HIVEP1: variants seen among roughly 807,000 people sequenced by gnomAD.
The protein encoded by HIVEP1 is zinc finger protein 40.
A neutral mutation model predicts 180.0 loss-of-function variants in HIVEP1; 36 were observed. That is an observed-to-expected ratio of 0.20 (90% CI 0.15 to 0.26). The LOEUF (loss-of-function observed/expected upper bound fraction) is 0.26. HIVEP1 is among the 10% of genes least tolerant of loss of function. The probability of loss-of-function intolerance (pLI) is 1.00; values close to 1 mark genes in which losing one functional copy is unlikely to be tolerated. For missense variants in HIVEP1, 3,143 were observed against 3,268.7 expected, an observed-to-expected ratio of 0.96 and a Z score of 0.94; for synonymous variants, 1,239 against 1,239.0, an observed-to-expected ratio of 1.00 and a Z score of 0.00.
upstream of HIVEP1, among the ~76,000 whole-genome samples, chr6:12,009,402 G>C (rs1442131049): frequency 2.0e-5 from 3 of 152,210 alleles, no homozygotes; most frequent in South Asian, 4.1e-4. Context: ...TCCCCAAGGG[G>C]GGCTCCAGAA....
upstream of HIVEP1, chr6:12,008,633 T>G (rs539374260): frequency 6.6e-6 from 1 of 151,870 alleles, no homozygotes; most frequent in African/African-American, 2.4e-5. Flanking sequence ...GATCTGTCTA[T>G]CTTCTCGGCG....
intron 7 of HIVEP1, among the ~76,000 whole-genome samples, chr6:12,136,736 G>GT (rs34874202): frequency 3.8e-4 from 58 of 151,586 alleles, no homozygotes; most frequent in Admixed American, 9.9e-4. Context: ...TTAAATGGCT[G>GT]TTTTTTTTTA....
At chr6:12,117,240 A>G (rs1361597097) in intron 3 of HIVEP1, among the ~76,000 whole-genome samples, 5 of 152,222 alleles carry the variant, frequency 3.3e-5, no homozygotes, top group Non-Finnish European at 7.4e-5. Flanking sequence ...TTTGAAGGGA[A>G]TAGCACCAGT....
At chr6:12,162,699 A>G (rs1760484645) in intron 8 of HIVEP1, among the ~76,000 whole-genome samples, 1 of 152,220 alleles carries the variant, frequency 6.6e-6, no homozygotes, top group Admixed American at 6.5e-5. Context: ...AAGCGTCTCT[A>G]TCCCAAAACC....
the HIVEP1 span, among the ~76,000 whole-genome samples, chr6:12,175,937 G>A: frequency 6.6e-6 from 1 of 152,078 alleles, no homozygotes; most frequent in African/African-American, 2.4e-5. Context: ...AGTGATCTTT[G>A]CATATGATTG....
At chr6:12,112,670 C>T (rs1447203518) in intron 3 of HIVEP1, among the ~76,000 whole-genome samples, 3 of 152,060 alleles carry the variant, frequency 2.0e-5, no homozygotes, top group Non-Finnish European at 4.4e-5. Flanking sequence ...CTGGGGGAGT[C>T]CCTGCCCACC....
intron 2 of HIVEP1, among the ~76,000 whole-genome samples, chr6:12,055,874 A>G (rs1299258548): frequency 6.6e-6 from 1 of 152,266 alleles, no homozygotes; most frequent in African/African-American, 2.4e-5. Context: ...CTATTAAGCT[A>G]GTGCTGTTAT....
chr6:12,211,213 C>T, the HIVEP1 span, among the ~76,000 whole-genome samples: 1 of 126,800 alleles, frequency 7.9e-6, no homozygotes. Context: ...TCCTGGCTAA[C>T]ACGGTGAAAC....
intron 2 of HIVEP1, among the ~76,000 whole-genome samples, chr6:12,020,933 C>T (rs921835783): frequency 7.2e-6 from 1 of 138,478 alleles, no homozygotes. Flanking sequence ...CTCTGTCACC[C>T]AGGCTGGAGT....
At chr6:12,054,486 T>C (rs1770735707) in intron 2 of HIVEP1, among the ~76,000 whole-genome samples, 2 of 112,074 alleles carry the variant, frequency 1.8e-5, no homozygotes. Flanking sequence ...TACACACATA[T>C]ACATATGAAT....
rs1215359402 is a variant in HIVEP1 at position 12,164,130 on chromosome 6, A to C, written c.7826A>C (p.Glu2609Ala). ...CAGGGGTTACCTACAGTCCAGCGGG[A>C]AAATGCAAAAAAAGTTCTGAATCCA... ...SPQGLPTVQR[E>A]NAKKVLNPPA... Residue 2609 changes from glutamate (E) to alanine (A), a missense_variant, in exon 9 of 9, where the codon GAA becomes GCA. Coordinates refer to ENST00000379388, the MANE Select transcript of HIVEP1 (RefSeq NM_002114.4). 5.0e-6 allele frequency: 8 copies of C among 1,614,168 alleles called. No individual in the cohort carries two copies. The highest frequency in any genetic ancestry group is 6.8e-6 in the Non-Finnish European group (8 of 1,180,026).
rs1760637101 is a variant in HIVEP1 at position 12,164,601 on chromosome 6, G to A, written c.*140G>A. On this transcript the variant is annotated 3_prime_UTR_variant, in exon 9 of 9. Transcript: ENST00000379388. Reference sequence around the variant, plus strand: ...AATCATGAACTTTTGACCAATAATTGTTGTTTTGTGTCAGCTCCAGCCATT... The same window carrying A: ...AATCATGAACTTTTGACCAATAATTATTGTTTTGTGTCAGCTCCAGCCATT... The A allele has an allele frequency of 4.3e-6, 3 of 697,282 alleles. No individual in the cohort carries two copies. The highest frequency in any genetic ancestry group is 6.9e-6 in the Non-Finnish European group (3 of 435,352). The allele number at this position is 697,282 out of a possible 1,614,324, so 43.2% of individuals were successfully genotyped here. A position where few individuals can be genotyped will look rare whatever the true frequency, so the allele number is the denominator to read the frequency against.
intron 7 of HIVEP1, among the ~76,000 whole-genome samples, chr6:12,148,277 C>T (rs568986328): frequency 6.6e-6 from 1 of 152,248 alleles, no homozygotes; most frequent in Non-Finnish European, 1.5e-5. Context: ...GTGCCTGGTT[C>T]CCCCCTGCAT....
In HIVEP1 at chr6:12,122,613, C is replaced by G. The variant is rs1484494224; in HGVS notation, c.2818C>G (p.Leu940Val). Residue 940 changes from leucine to valine, a missense_variant, in exon 4 of 9, where the codon CTG (leucine) becomes GTG (valine). This residue lies in a region of HIVEP1 where 204 missense variants were observed against 243.7 expected (regional missense o/e 0.84). Transcript: ENST00000379388. The stretch of plus-strand genomic sequence containing the variant: ...AGCCATGTCAGTGAGGAGCAAGGCA[C>G]TGGCACAAGGCCCACATATAGAAAA... Reference protein sequence around the residue: ...GEAMSVRSKALAQGPHIEKKK... With the variant: ...GEAMSVRSKAVAQGPHIEKKK... The G allele has an allele frequency of 1.9e-6, 3 of 1,614,134 alleles. 1 individual carries two copies. In the South Asian group the frequency reaches 3.3e-5, roughly 18 times the overall value.
intron 2 of HIVEP1, among the ~76,000 whole-genome samples, chr6:12,052,312 A>C (rs558225658): frequency 6.6e-6 from 1 of 152,260 alleles, no homozygotes; most frequent in Non-Finnish European, 1.5e-5. Context: ...AGGGCCACCT[A>C]GAGATAGCTT....
intron 2 of HIVEP1, among the ~76,000 whole-genome samples, chr6:12,076,316 G>T (rs1772346292): frequency 1.3e-5 from 2 of 152,078 alleles, no homozygotes; most frequent in African/African-American, 4.8e-5. Context: ...TTGAAGTAGG[G>T]TATACTTTTT....
chr6:12,104,900 T>G (rs1436452032), intron 3 of HIVEP1, among the ~76,000 whole-genome samples: 1 of 152,236 alleles, frequency 6.6e-6, no homozygotes, highest in Non-Finnish European at 1.5e-5. Context: ...GTAAGCACAT[T>G]TATTTTAAAG....
At chr6:12,022,638 A>C (rs1033601393) in intron 2 of HIVEP1, among the ~76,000 whole-genome samples, 1 of 152,266 alleles carries the variant, frequency 6.6e-6, no homozygotes, top group Non-Finnish European at 1.5e-5. Flanking sequence ...CATTTGCCAC[A>C]GTGCCTGACA....
chr6:12,163,864 C>T lies in HIVEP1; in HGVS notation c.7560C>T (p.Val2520=), dbSNP rs755560714. The T allele has an allele frequency of 7.1e-5, 114 of 1,614,024 alleles. No homozygotes were observed. Among genetic ancestry groups the T allele is most frequent in the African/African-American group, 9.3e-5 (7 of 74,904 alleles). Residue 2520 remains valine, a synonymous_variant, in exon 9 of 9, where the codon GTC becomes GTT. Coordinates refer to ENST00000379388, the MANE Select transcript of HIVEP1 (RefSeq NM_002114.4). ...CACCAGGACTGGCTCTGAATGCTGT[C>T]GGACTGCAGGTTCTGACTGCAAACC... ...VHPPGLALNA[V]GLQVLTANPS...
Sources: allele counts gnomAD v4.1 joint callset (sites outside exome capture counted in the v4.1 genomes callset), GRCh38; gene constraint gnomAD v4.1.1; regional missense constraint gnomAD v4.1.1; transcripts MANE v1.5; gene names NCBI Gene and HGNC (gene_info 2026-07-23, HGNC 2026-07-21).